HPSE2: variants seen among roughly 807,000 people sequenced by gnomAD.
The protein encoded by HPSE2 is inactive heparanase-2.
Under a neutral mutation model 60.5 loss-of-function variants are expected in HPSE2, and 38 were observed. That is an observed-to-expected ratio of 0.63 (90% CI 0.48 to 0.82). HPSE2 has a LOEUF of 0.82. Ranked by LOEUF, HPSE2 falls within the 40% of genes least tolerant of loss-of-function variation. The pLI is 0.00. For missense variants in HPSE2, 713 were observed against 740.4 expected (o/e 0.96, Z 0.43); for synonymous variants, 295 against 293.2 (o/e 1.01, Z -0.06).
At chr10:98,788,720 G>T (rs535169624) in intron 3 of HPSE2, among the ~76,000 whole-genome samples, 4 of 151,942 alleles carry the variant, frequency 2.6e-5, no homozygotes, top group African/African-American at 9.6e-5. Flanking sequence ...AGGTGCGTCC[G>T]TCACCCCTTT....
chr10:99,244,966 G>T, the HPSE2 span, among the ~76,000 whole-genome samples: 25 of 151,840 alleles, frequency 1.6e-4, no homozygotes, highest in African/African-American at 6.1e-4. Context: ...AACCTTATCA[G>T]CCCTGTCACC....
Position 98,547,312 on chromosome 10 carries a change from C to T in HPSE2, c.1321-57116G>A, listed in dbSNP as rs1424222647. On this transcript the variant is annotated intron_variant, in intron 9 of 11. Coordinates refer to ENST00000370552, the MANE Select transcript of HPSE2 (RefSeq NM_021828.5). ...CAGCCATCCCATTACTGGGTATATA[C>T]CCAAAGGACTATAAATCATGCTGCT... Among the ~76,000 whole-genome samples the T allele has an allele frequency of 4.9e-5, 7 of 141,844 alleles. No homozygotes were observed. In the East Asian group the frequency reaches 6.9e-4, roughly 14 times the overall value. 93.1% of individuals were successfully genotyped at this position (141,844 alleles called of 152,430 possible).
At chr10:98,473,477 TC>T (rs1940864581) in intron 11 of HPSE2, among the ~76,000 whole-genome samples, 1 of 111,822 alleles carries the variant, frequency 8.9e-6, no homozygotes, top group African/African-American at 3.8e-5. Flanking sequence ...AGAGTGAGAC[TC>T]TGTCTCAAAA....
At chr10:98,653,414 G>GTT (rs35797951) in intron 6 of HPSE2, among the ~76,000 whole-genome samples, 21 of 145,372 alleles carry the variant, frequency 1.4e-4, no homozygotes, top group Admixed American at 4.1e-4. Flanking sequence ...CCTTGTATCT[G>GTT]TTTTTTTTTT....
chr10:99,229,107 G>A (rs1202624731), intron 2 of HPSE2, among the ~76,000 whole-genome samples: 1 of 151,590 alleles, frequency 6.6e-6, no homozygotes. Context: ...CTGGGAGGTA[G>A]AGATTGCAGT....
chr10:98,723,994 T>A (rs1324270331), intron 4 of HPSE2, among the ~76,000 whole-genome samples: 1 of 152,164 alleles, frequency 6.6e-6, no homozygotes, highest in Non-Finnish European at 1.5e-5. Flanking sequence ...AGTTATTTCT[T>A]GCCTTTTGCT....
intron 9 of HPSE2, among the ~76,000 whole-genome samples, chr10:98,581,062 T>A (rs904734867): frequency 6.6e-6 from 1 of 151,670 alleles, no homozygotes; most frequent in African/African-American, 2.4e-5. Context: ...TGCCTCAGCC[T>A]CCTGAGTAGC....
At chr10:99,299,714 T>C in the HPSE2 span, among the ~76,000 whole-genome samples, 1 of 152,146 alleles carries the variant, frequency 6.6e-6, no homozygotes, top group Non-Finnish European at 1.5e-5. Context: ...TGTTAACTTG[T>C]TTAATAGATA....
At chr10:98,606,353 T>C (rs748756923) in intron 9 of HPSE2, among the ~76,000 whole-genome samples, 8 of 152,252 alleles carry the variant, frequency 5.3e-5, no homozygotes, top group Non-Finnish European at 1.0e-4. Context: ...GTTGAATCAC[T>C]TGGACTTTAA....
At chr10:98,699,678 A>G (rs1240378528) in intron 5 of HPSE2, among the ~76,000 whole-genome samples, 2 of 128,008 alleles carry the variant, frequency 1.6e-5, no homozygotes, top group African/African-American at 2.7e-5. Context: ...AGGGTATTCA[A>G]TTAGGAAAAG....
chr10:98,667,001 T>TA (rs202123859), intron 6 of HPSE2, among the ~76,000 whole-genome samples: 2,004 of 147,112 alleles, frequency 0.014, 38 homozygotes, highest in African/African-American at 0.047. Flanking sequence ...TTCAAAGGAA[T>TA]AAAAAAGATT....
At chr10:98,884,467 T>C (rs1349729205) in intron 3 of HPSE2, among the ~76,000 whole-genome samples, 1 of 152,144 alleles carries the variant, frequency 6.6e-6, no homozygotes. Context: ...AAGGATAGGC[T>C]GATTCTCTCG....
intron 3 of HPSE2, among the ~76,000 whole-genome samples, chr10:99,022,351 GC>G (rs1184011228): frequency 2.6e-5 from 4 of 152,130 alleles, no homozygotes; most frequent in African/African-American, 9.7e-5. Flanking sequence ...GAACTTGAGT[GC>G]CTGCAAACCT....
Position 98,669,482 on chromosome 10 carries a change from C to T in HPSE2, c.1004+24418G>A, listed in dbSNP as rs1307338434. ...ACAACAGCAAAGACAGGAAATCAACCTACATGCCCATCAATGGTGGACTGG... is the reference window on the plus strand; with the variant it reads ...ACAACAGCAAAGACAGGAAATCAACTTACATGCCCATCAATGGTGGACTGG... On this transcript the variant is annotated intron_variant, in intron 6 of 11. Coordinates refer to ENST00000370552, the MANE Select transcript of HPSE2 (RefSeq NM_021828.5). 3.9e-5 allele frequency among the ~76,000 whole-genome samples: 6 copies of T among 152,348 alleles called. No individual in the cohort carries two copies. The East Asian group carries it at 9.6e-4, about 24-fold the overall frequency.
At chr10:99,256,409 A>C in the HPSE2 span, among the ~76,000 whole-genome samples, 1 of 4,836 alleles carries the variant, frequency 2.1e-4, no homozygotes, top group Non-Finnish European at 5.5e-4. Flanking sequence ...CTCACCAAAC[A>C]GGTCCTTATG....
In HPSE2 at chr10:98,927,353, G is replaced by C. The variant is rs188362676; in HGVS notation, c.611-183297C>G. Among the ~76,000 whole-genome samples the C allele has an allele frequency of 3.2e-4, 49 of 152,078 alleles. No individual in the cohort carries two copies. In the East Asian group the frequency reaches 9.1e-3, roughly 28 times the overall value. On this transcript the variant is annotated intron_variant, in intron 3 of 11. Coordinates refer to ENST00000370552, the MANE Select transcript of HPSE2 (RefSeq NM_021828.5). Reference sequence around the variant, plus strand: ...AAATAAAAGAGGATACAAACAAATGGAAGAACATTCCATGCTCATGGGTAG... The same window carrying C: ...AAATAAAAGAGGATACAAACAAATGCAAGAACATTCCATGCTCATGGGTAG...
intron 9 of HPSE2, among the ~76,000 whole-genome samples, chr10:98,529,085 G>A (rs1287502510): frequency 6.6e-6 from 1 of 152,224 alleles, no homozygotes; most frequent in African/African-American, 2.4e-5. Flanking sequence ...CACACACACA[G>A]ACACACACAA....
intron 9 of HPSE2, among the ~76,000 whole-genome samples, chr10:98,518,260 C>T (rs10509722): frequency 0.77 from 116,444 of 152,160 alleles, 49,326 homozygotes; most frequent in East Asian, 0.96. Context: ...TTGTTTCATT[C>T]TGAAGACCTC....
rs190936038 is a variant in HPSE2, at chr10:98,642,027, G to A, written c.1005-87C>T. 844 of 1,164,294 alleles carry A rather than the reference G, an allele frequency of 7.2e-4. 2 individuals carry two copies. Among genetic ancestry groups the A allele is most frequent in the Non-Finnish European group, 9.5e-4 (741 of 783,166 alleles). 72.1% of individuals were successfully genotyped at this position (1,164,294 alleles called of 1,614,324 possible). On this transcript the variant is annotated intron_variant, in intron 6 of 11. Transcript: ENST00000370552. ...CTCTAGCCCAAGGTCTCTGTTGCCC[G>A]AGGAAACAAACCAGGGTTCCACTCG...
Sources: allele counts gnomAD v4.1 joint callset (sites outside exome capture counted in the v4.1 genomes callset), GRCh38; gene constraint gnomAD v4.1.1; transcripts MANE v1.5; gene names NCBI Gene and HGNC (gene_info 2026-07-23, HGNC 2026-07-21).